Variants in SLC2A13 observed in about 807,000 individuals in gnomAD.
SLC2A13 encodes proton myo-inositol cotransporter.
In SLC2A13, 32 loss-of-function variants were observed where a neutral mutation model predicts 64.4. The ratio of observed to expected loss-of-function variants is 0.50; its 90% CI spans 0.37 to 0.67. The LOEUF (loss-of-function observed/expected upper bound fraction) is 0.67, where lower values mean the gene tolerates loss of function less well. Ranked by LOEUF, SLC2A13 falls within the 30% of genes least tolerant of loss-of-function variation. SLC2A13 has a pLI of 0.00. For missense variants in SLC2A13, 743 were observed against 829.2 expected (o/e 0.90, Z 1.28); for synonymous variants, 338 against 327.1 (o/e 1.03, Z -0.36).
intron 4 of SLC2A13, among the ~76,000 whole-genome samples, chr12:39,872,984 A>C (rs892841675): frequency 2.0e-5 from 3 of 152,210 alleles, no homozygotes; most frequent in Non-Finnish European, 1.5e-5. Context: ...ATATTTATCA[A>C]TACCTTCATA....
At chr12:39,916,213 A>T (rs1945519467) in intron 4 of SLC2A13, among the ~76,000 whole-genome samples, 1 of 151,918 alleles carries the variant, frequency 6.6e-6, no homozygotes, top group Non-Finnish European at 1.5e-5. Flanking sequence ...GATGTCACAG[A>T]TACACTCCAA....
intron 3 of SLC2A13, among the ~76,000 whole-genome samples, chr12:39,972,956 A>T (rs1946691896): frequency 6.6e-6 from 1 of 152,076 alleles, no homozygotes; most frequent in South Asian, 2.1e-4. Context: ...AATCCCAGCT[A>T]CTCAGGAGGC....
chr12:39,853,173 A>G (rs1252232937), intron 6 of SLC2A13, among the ~76,000 whole-genome samples: 3 of 152,126 alleles, frequency 2.0e-5, no homozygotes, highest in Non-Finnish European at 4.4e-5. Context: ...AGTTACGCTC[A>G]CAAAGAATGG....
intron 4 of SLC2A13, 79 bp downstream of exon 4, chr12:39,951,178 C>G (rs1271369327): frequency 8.2e-7 from 1 of 1,226,874 alleles, no homozygotes; most frequent in Non-Finnish European, 1.2e-6. Flanking sequence ...CTAGTATTTA[C>G]ATGAAATACT....
chr12:40,075,196 T>C (rs1014079083), intron 1 of SLC2A13, among the ~76,000 whole-genome samples: 4 of 152,206 alleles, frequency 2.6e-5, no homozygotes, highest in Non-Finnish European at 5.9e-5. Flanking sequence ...GTGAAATTCA[T>C]AAGAGTGGAA....
intron 7 of SLC2A13, among the ~76,000 whole-genome samples, chr12:39,772,018 T>TGG (rs1157909897): frequency 6.6e-6 from 1 of 152,158 alleles, no homozygotes; most frequent in Non-Finnish European, 1.5e-5. Flanking sequence ...AAGGCCTGTG[T>TGG]GGATGCTACC....
intron 6 of SLC2A13, among the ~76,000 whole-genome samples, chr12:39,834,987 CACTCAAGA>C (rs1476929990): frequency 6.6e-6 from 1 of 152,076 alleles, no homozygotes; most frequent in African/African-American, 2.4e-5. Flanking sequence ...TTACATTTTT[CACTCAAGA>C]TTTGCTCTTT....
rs188458593 is a variant in SLC2A13 at position 39,816,689 on chromosome 12, A to C, written c.1445+13414T>G. ...AAAGGAAAATTCACTTAATTTTTAA[A>C]AATAAAACACTAGGATGAAAAACAA... is the stretch of plus-strand genomic sequence containing the variant. On this transcript the variant is annotated intron_variant, in intron 7 of 9. Coordinates refer to ENST00000280871, the MANE Select transcript of SLC2A13 (RefSeq NM_052885.4). 3.5e-3 allele frequency among the ~76,000 whole-genome samples: 526 copies of C among 152,174 alleles called. 3 individuals carry two copies. The highest frequency in any genetic ancestry group is 0.012 in the African/African-American group (499 of 41,522).
At chr12:39,964,415 A>G (rs915344619) in intron 3 of SLC2A13, among the ~76,000 whole-genome samples, 1 of 152,250 alleles carries the variant, frequency 6.6e-6, no homozygotes, top group Non-Finnish European at 1.5e-5. Context: ...GAGTTAATTC[A>G]AAGTATGGAC....
intron 3 of SLC2A13, among the ~76,000 whole-genome samples, chr12:39,973,754 C>T (rs1412173908): frequency 6.6e-6 from 1 of 152,220 alleles, no homozygotes; most frequent in Non-Finnish European, 1.5e-5. Flanking sequence ...TGCATTTCTT[C>T]AGAGCACTTA....
At chr12:40,075,426 T>C (rs1938133413) in intron 1 of SLC2A13, among the ~76,000 whole-genome samples, 1 of 152,250 alleles carries the variant, frequency 6.6e-6, no homozygotes, top group African/African-American at 2.4e-5. Context: ...GTTTGTCCTA[T>C]GACCTCACTT....
At chr12:40,014,856 G>T (rs1345180185) in intron 3 of SLC2A13, among the ~76,000 whole-genome samples, 1 of 152,164 alleles carries the variant, frequency 6.6e-6, no homozygotes, top group Non-Finnish European at 1.5e-5. Flanking sequence ...TGCTATATTA[G>T]ATCCAGCCAA....
At chr12:39,816,375 A>G (rs1942339941) in intron 7 of SLC2A13, among the ~76,000 whole-genome samples, 1 of 145,724 alleles carries the variant, frequency 6.9e-6, no homozygotes, top group Non-Finnish European at 1.5e-5. Flanking sequence ...GTGGGAATTG[A>G]ACAATGAGAA....
intron 6 of SLC2A13, among the ~76,000 whole-genome samples, chr12:39,864,040 G>C (rs1384858058): frequency 6.6e-6 from 1 of 152,170 alleles, no homozygotes. Flanking sequence ...AGACTTTATG[G>C]TGGCTAAAGT....
At chr12:39,988,643 GA>G (rs1264290896) in intron 3 of SLC2A13, among the ~76,000 whole-genome samples, 9 of 125,130 alleles carry the variant, frequency 7.2e-5, no homozygotes, top group African/African-American at 2.7e-4. Context: ...AGGGGGAGGA[GA>G]GGGAGAAAAG....
chr12:40,007,776 G>GA (rs1947450362), intron 3 of SLC2A13, among the ~76,000 whole-genome samples: 3 of 151,940 alleles, frequency 2.0e-5, no homozygotes, highest in Admixed American at 6.6e-5. Context: ...AGAATTAAAA[G>GA]AAAAAAATAT....
rs11287868 is a variant in SLC2A13 at position 39,874,615 on chromosome 12, C to CA, written c.1035-2655dup. ...GGGCAACAAAAGCAAAACTCCATCTCAAAAAAAAAAAAAAAAAAAGAATGC... is the reference window on the plus strand; with the variant it reads ...GGGCAACAAAAGCAAAACTCCATCTCAAAAAAAAAAAAAAAAAAAAGAATGC... On this transcript the variant is annotated intron_variant, in intron 4 of 9. Coordinates refer to ENST00000280871, the MANE Select transcript of SLC2A13 (RefSeq NM_052885.4). 4.8e-3 allele frequency among the ~76,000 whole-genome samples: 488 copies of CA among 101,054 alleles called. 3 individuals carry two copies. Among genetic ancestry groups the CA allele is most frequent in the East Asian group, 8.7e-3 (31 of 3,576 alleles). 66.3% of individuals were successfully genotyped at this position (101,054 alleles called of 152,430 possible). A position where few individuals can be genotyped will look rare whatever the true frequency, so the allele number is the denominator to read the frequency against.
chr12:39,874,808 T>C (rs929513848), intron 4 of SLC2A13, among the ~76,000 whole-genome samples: 1 of 152,164 alleles, frequency 6.6e-6, no homozygotes, highest in Non-Finnish European at 1.5e-5. Context: ...GACATTACTC[T>C]GGTGAGAGCC....
chr12:40,038,770 A>AT (rs1948032639), intron 2 of SLC2A13, among the ~76,000 whole-genome samples: 1 of 91,394 alleles, frequency 1.1e-5, no homozygotes, highest in Non-Finnish European at 2.1e-5. Flanking sequence ...GGGAAAGGGA[A>AT]GGGGAAAGGG....
Sources: gnomAD v4.1 joint callset for allele counts (sites outside exome capture counted in the v4.1 genomes callset) on GRCh38, gnomAD v4.1.1 for gene constraint, MANE v1.5 for transcripts, NCBI Gene and HGNC (gene_info 2026-07-23, HGNC 2026-07-21) for gene names.